PHKA1: variants seen among roughly 807,000 people sequenced by gnomAD.
PHKA1 encodes the protein phosphorylase kinase regulatory subunit alpha 1, also known as phosphorylase b kinase regulatory subunit alpha, skeletal muscle isoform.
PHKA1 carries 60 observed loss-of-function variants against 110.2 expected under a neutral mutation model. The ratio of observed to expected loss-of-function variants is 0.54; its 90% CI spans 0.44 to 0.68. The LOEUF (loss-of-function observed/expected upper bound fraction) is 0.68, where lower values mean the gene tolerates loss of function less well. PHKA1 is among the 30% of genes least tolerant of loss of function. The pLI is 0.00. For missense variants in PHKA1, 801 were observed against 942.5 expected, an observed-to-expected ratio of 0.85 and a Z score of 1.97; for synonymous variants, 316 against 333.6, an observed-to-expected ratio of 0.95 and a Z score of 0.58.
At chrX:72,710,313 T>G (rs2054352651) in intron 2 of PHKA1, among the ~76,000 whole-genome samples, 1 of 111,545 alleles carries the variant, frequency 9.0e-6, no homozygotes. Flanking sequence ...AAGGCTGACT[T>G]TTCTTATAGA....
intron 17 of PHKA1, among the ~76,000 whole-genome samples, chrX:72,624,749 A>G (rs782803147): frequency 1.8e-5 from 2 of 111,515 alleles, no homozygotes; most frequent in Admixed American, 9.5e-5. Context: ...GGTGCTCTCC[A>G]TCTTAAAGAT....
intron 3 of PHKA1, 124 bp from the exon 4 acceptor site, chrX:72,696,000 A>G (rs2054104658): frequency 1.7e-6 from 1 of 584,119 alleles, no homozygotes; most frequent in Non-Finnish European, 2.9e-6. Context: ...GCAATTGTGA[A>G]TATTTAAAAT....
intron 19 of PHKA1, among the ~76,000 whole-genome samples, chrX:72,620,399 A>C: frequency 8.9e-6 from 1 of 112,078 alleles, no homozygotes; most frequent in Non-Finnish European, 1.9e-5. Flanking sequence ...ATTCCATAGA[A>C]GTAATTTTCC....
At chrX:72,662,369 G>T (rs2053570528) in intron 8 of PHKA1, among the ~76,000 whole-genome samples, 3 of 111,618 alleles carry the variant, frequency 2.7e-5, no homozygotes, top group Non-Finnish European at 5.7e-5. Context: ...TGGCTGCAGT[G>T]CCATGACCTC....
intron 4 of PHKA1, 143 bp from the exon 5 acceptor site, chrX:72,684,723 C>A: frequency 2.1e-6 from 1 of 474,245 alleles, no homozygotes. Flanking sequence ...TGATCTTAAA[C>A]TATAAAAACA....
At chrX:72,630,292 T>TGG (rs782362412) in intron 16 of PHKA1, among the ~76,000 whole-genome samples, 3 of 62,015 alleles carry the variant, frequency 4.8e-5, no homozygotes, top group African/African-American at 1.3e-4. Flanking sequence ...AGAGCGGGGG[T>TGG]GGGGGAGAGA....
At chrX:72,603,266 C>T (rs782209519) in intron 25 of PHKA1, 46 bp from the exon 26 acceptor site, 2 of 762,404 alleles carry the variant, frequency 2.6e-6, no homozygotes, top group Non-Finnish European at 4.1e-6. Flanking sequence ...AATTTGCCTG[C>T]CATGCCCTCT....
At chrX:72,677,408 T>G (rs782033747) in intron 5 of PHKA1, among the ~76,000 whole-genome samples, 30 of 111,648 alleles carry the variant, frequency 2.7e-4, no homozygotes, top group Non-Finnish European at 5.3e-4. Flanking sequence ...TTTAGGAATA[T>G]GCAAATACCT....
intron 23 of PHKA1, among the ~76,000 whole-genome samples, chrX:72,608,958 C>A (rs1556255974): frequency 8.9e-6 from 1 of 112,042 alleles, no homozygotes; most frequent in Admixed American, 9.4e-5. Flanking sequence ...AGACTGTTTG[C>A]AAGATTTAAA....
At chrX:72,702,711 A>T (rs1262290264) in intron 3 of PHKA1, among the ~76,000 whole-genome samples, 1 of 111,747 alleles carries the variant, frequency 8.9e-6, no homozygotes, top group Non-Finnish European at 1.9e-5. Context: ...CTGAGATCAG[A>T]GATTCATTTT....
At chrX:72,702,908 A>G (rs2054226080) in intron 3 of PHKA1, among the ~76,000 whole-genome samples, 1 of 111,795 alleles carries the variant, frequency 8.9e-6, no homozygotes, top group Non-Finnish European at 1.9e-5. Context: ...AAGACTTATC[A>G]GAAACTCAAG....
chrX:72,692,257 TTTTG>T (rs1164179765), intron 4 of PHKA1, among the ~76,000 whole-genome samples: 1 of 111,919 alleles, frequency 8.9e-6, no homozygotes, highest in African/African-American at 3.2e-5. Flanking sequence ...TTACCTAGTA[TTTTG>T]TTTATTTTTA....
At chrX:72,606,097 A>G (rs782691827) in intron 23 of PHKA1, among the ~76,000 whole-genome samples, 1 of 111,691 alleles carries the variant, frequency 9.0e-6, no homozygotes, top group Non-Finnish European at 1.9e-5. Flanking sequence ...CACCTTGAGC[A>G]TTTACTATTT....
In PHKA1 at chrX:72,681,455, GC is replaced by G. The variant is rs1231468399; in HGVS notation, c.537+3042del. On this transcript the variant is annotated intron_variant, in intron 5 of 31. Transcript: ENST00000373542. Reference sequence around the variant, plus strand: ...ATCCGGGAGGGAGGTGGGGGGGTCAGCCCCCCCGCCCGGCCAGCCGTGCCAT... The same window carrying G: ...ATCCGGGAGGGAGGTGGGGGGGTCAGCCCCCCGCCCGGCCAGCCGTGCCAT... 5.5e-3 allele frequency among the ~76,000 whole-genome samples: 513 copies of G among 92,519 alleles called. 3 individuals are homozygous for G. In the East Asian group the frequency reaches 0.11, roughly 20 times the overall value. The allele number at this position is 92,519 out of a possible 115,157, so 80.3% of individuals were successfully genotyped here.
intron 3 of PHKA1, among the ~76,000 whole-genome samples, chrX:72,704,702 C>T (rs1172408503): frequency 9.0e-6 from 1 of 110,988 alleles, no homozygotes; most frequent in Non-Finnish European, 1.9e-5. Context: ...TCCCACTTCA[C>T]CCCCGCTAAC....
chrX:72,621,961 T>C, intron 18 of PHKA1: 1 of 737,953 alleles, frequency 1.4e-6, no homozygotes, highest in Non-Finnish European at 1.6e-6. Context: ...AGTAATCCAA[T>C]GGAATGAGTA....
At chrX:72,646,018 C>G (rs1329363698) in intron 13 of PHKA1, among the ~76,000 whole-genome samples, 2 of 111,937 alleles carry the variant, frequency 1.8e-5, no homozygotes, top group East Asian at 5.6e-4. Context: ...ACTTATCAAG[C>G]ACAGAGATGA....
At chrX:72,691,132 A>G (rs1556321611) in intron 4 of PHKA1, among the ~76,000 whole-genome samples, 6 of 112,823 alleles carry the variant, frequency 5.3e-5, no homozygotes. Context: ...ATGTGGACAT[A>G]CAGTTGTCCC....
intron 21 of PHKA1, among the ~76,000 whole-genome samples, chrX:72,613,580 AAG>A (rs1394391253): frequency 1.8e-5 from 2 of 112,274 alleles, no homozygotes; most frequent in African/African-American, 6.5e-5. Flanking sequence ...GTGCTATAGG[AAG>A]AGTCATTAAT....
Sources: allele counts gnomAD v4.1 joint callset (sites outside exome capture counted in the v4.1 genomes callset), GRCh38; gene constraint gnomAD v4.1.1; transcripts MANE v1.5; gene names NCBI Gene and HGNC (gene_info 2026-07-23, HGNC 2026-07-21).